COL11A1: variants seen among roughly 807,000 people sequenced by gnomAD.
The protein encoded by COL11A1 is collagen type XI alpha 1 chain, also known as collagen alpha-1(XI) chain.
A neutral mutation model predicts 265.2 loss-of-function variants in COL11A1; 74 were observed. That is an observed-to-expected ratio of 0.28 (90% CI 0.23 to 0.34). The LOEUF (loss-of-function observed/expected upper bound fraction) is 0.34. COL11A1 is among the 10% of genes least tolerant of loss of function. COL11A1 has a pLI of 1.00. For missense variants in COL11A1, 2,165 were observed against 2,263.6 expected (o/e 0.96, Z 0.88); for synonymous variants, 816 against 727.6 (o/e 1.12, Z -1.96).
chr1:102,984,239 A>C, intron 30 of COL11A1, 48 bp from the exon 31 acceptor site: 1 of 1,204,720 alleles, frequency 8.3e-7, no homozygotes, highest in Non-Finnish European at 1.2e-6. Flanking sequence ...AAGTTGAATT[A>C]AGCTTAAATA....
chr1:102,881,457 A>G (rs748147585), intron 65 of COL11A1, among the ~76,000 whole-genome samples: 24 of 152,156 alleles, frequency 1.6e-4, no homozygotes, highest in Non-Finnish European at 2.6e-4. Context: ...AATTGTATGC[A>G]TGATTTGATC....
chr1:102,970,549 G>T (rs1157846497), intron 36 of COL11A1, among the ~76,000 whole-genome samples: 1 of 151,994 alleles, frequency 6.6e-6, no homozygotes, highest in African/African-American at 2.4e-5. Context: ...AATAATATTT[G>T]CAAAGGTTTG....
chr1:102,978,506 T>C (rs1662719220), intron 35 of COL11A1, among the ~76,000 whole-genome samples: 3 of 152,188 alleles, frequency 2.0e-5, no homozygotes, highest in African/African-American at 7.2e-5. Context: ...CTCATTTCTA[T>C]AACAAAATTA....
At chr1:102,891,518 G>GC (rs1289941608) in intron 57 of COL11A1, among the ~76,000 whole-genome samples, 1 of 151,184 alleles carries the variant, frequency 6.6e-6, no homozygotes, top group Non-Finnish European at 1.5e-5. Flanking sequence ...ACTCTGTCCT[G>GC]CCCCCCCGCC....
intron 4 of COL11A1, among the ~76,000 whole-genome samples, chr1:103,046,345 C>T (rs1238662380): frequency 7.0e-6 from 1 of 143,720 alleles, no homozygotes; most frequent in African/African-American, 2.6e-5. Flanking sequence ...TTGCATTTCT[C>T]TGATGGCCAG....
chr1:103,095,709 G>A lies in COL11A1; in HGVS notation c.106+12364C>T, dbSNP rs532589701. 1.7e-3 allele frequency among the ~76,000 whole-genome samples: 265 copies of A among 151,744 alleles called. 2 individuals carry two copies. The highest frequency in any genetic ancestry group is 6.1e-3 in the African/African-American group (253 of 41,386). On this transcript the variant is annotated intron_variant, in intron 1 of 66. Coordinates refer to ENST00000370096, the MANE Select transcript of COL11A1 (RefSeq NM_001854.4). ...CTCAGGTCCCTTCATTTGTACATTGGATATTTTCTCATGTAAATTTGTGTA... is the reference window on the plus strand; with the variant it reads ...CTCAGGTCCCTTCATTTGTACATTGAATATTTTCTCATGTAAATTTGTGTA...
At chr1:102,915,179 T>G (rs1417721658) in intron 50 of COL11A1, among the ~76,000 whole-genome samples, 1 of 152,144 alleles carries the variant, frequency 6.6e-6, no homozygotes, top group African/African-American at 2.4e-5. Flanking sequence ...ATCCCTGGCC[T>G]TTACTAACTG....
At chr1:102,916,183 T>G (rs1239476413) in intron 49 of COL11A1, among the ~76,000 whole-genome samples, 1 of 152,160 alleles carries the variant, frequency 6.6e-6, no homozygotes, top group Admixed American at 6.6e-5. Flanking sequence ...GGAAAGACAA[T>G]AATTATAATA....
chr1:103,030,769 T>C, intron 5 of COL11A1: 1 of 320,650 alleles, frequency 3.1e-6, no homozygotes, highest in Non-Finnish European at 6.1e-6. Context: ...CACCAGAAAA[T>C]ATGTTATTCT....
chr1:102,914,830 A>C lies in COL11A1; in HGVS notation c.3817-19T>G. 1 of 1,567,532 alleles carries C rather than the reference A, an allele frequency of 6.4e-7. No homozygotes were observed. Among genetic ancestry groups the C allele is most frequent in the Non-Finnish European group, 8.7e-7 (1 of 1,144,562 alleles). On this transcript the variant is annotated intron_variant, in intron 50 of 66. Coordinates refer to ENST00000370096, the MANE Select transcript of COL11A1 (RefSeq NM_001854.4). ...TGGGACCCTAAACAATGTTAAAAAAAAAAAAAGAAGAAGAAGGAAAGAAGA... is the reference window on the plus strand; with the variant it reads ...TGGGACCCTAAACAATGTTAAAAAACAAAAAAGAAGAAGAAGGAAAGAAGA...
intron 35 of COL11A1, among the ~76,000 whole-genome samples, chr1:102,977,280 A>G (rs1404826430): frequency 6.6e-6 from 1 of 152,190 alleles, no homozygotes; most frequent in Non-Finnish European, 1.5e-5. Context: ...GAAATGTCTC[A>G]TCAACCACAA....
intron 3 of COL11A1, among the ~76,000 whole-genome samples, chr1:103,078,381 C>A (rs1356590477): frequency 1.3e-5 from 2 of 152,074 alleles, no homozygotes; most frequent in South Asian, 2.1e-4. Flanking sequence ...CTTCTTAAAA[C>A]TACCCACCCC....
chr1:103,005,229 C>G (rs574651234), intron 18 of COL11A1, among the ~76,000 whole-genome samples: 186 of 152,018 alleles, frequency 1.2e-3, no homozygotes, highest in Middle Eastern at 3.5e-3. Context: ...TTATCTTATT[C>G]TCATTATTAA....
At chr1:102,879,284 A>G (rs1236014704) in intron 66 of COL11A1, among the ~76,000 whole-genome samples, 3 of 152,170 alleles carry the variant, frequency 2.0e-5, no homozygotes, top group Admixed American at 6.5e-5. Flanking sequence ...TATAGGGCTA[A>G]AAATTATTGA....
chr1:103,047,745 T>A (rs1400119504), intron 4 of COL11A1, among the ~76,000 whole-genome samples: 1 of 152,198 alleles, frequency 6.6e-6, no homozygotes, highest in Non-Finnish European at 1.5e-5. Context: ...TGGTTTGTCA[T>A]AGATAGCTCT....
At chr1:102,940,603 AT>A (rs1658624688) in intron 42 of COL11A1, among the ~76,000 whole-genome samples, 169 bp from the exon 43 acceptor site, 1 of 152,174 alleles carries the variant, frequency 6.6e-6, no homozygotes, top group South Asian at 2.1e-4. Context: ...TAAGAATACT[AT>A]TTTTTTAAAT....
chr1:102,940,524 T>C, intron 42 of COL11A1, 90 bp from the exon 43 acceptor site: 2 of 934,128 alleles, frequency 2.1e-6, no homozygotes, highest in Non-Finnish European at 3.3e-6. Context: ...GACAAGGATA[T>C]TGTTTAATGT....
chr1:103,094,610 C>T (rs540841818), intron 1 of COL11A1, among the ~76,000 whole-genome samples: 1 of 152,066 alleles, frequency 6.6e-6, no homozygotes, highest in South Asian at 2.1e-4. Flanking sequence ...TCCTCCTCAA[C>T]ATGAAGATGA....
chr1:102,983,425 T>C (rs951621640), intron 31 of COL11A1, among the ~76,000 whole-genome samples: 1 of 151,982 alleles, frequency 6.6e-6, no homozygotes, highest in Non-Finnish European at 1.5e-5. Flanking sequence ...ATTGCCTAGG[T>C]GGTCCCTAAA....
Sources: allele counts gnomAD v4.1 joint callset (sites outside exome capture counted in the v4.1 genomes callset), GRCh38; gene constraint gnomAD v4.1.1; transcripts MANE v1.5; gene names NCBI Gene and HGNC (gene_info 2026-07-23, HGNC 2026-07-21).